Variants in NLGN4X observed in about 807,000 individuals in gnomAD.
NLGN4X encodes neuroligin 4 X-linked.
Under a neutral mutation model 40.3 loss-of-function variants are expected in NLGN4X, and 3 were observed. The observed-to-expected ratio is 0.07, with a 90% CI of 0.03 to 0.19. The LOEUF (loss-of-function observed/expected upper bound fraction) is 0.19, where lower values mean the gene tolerates loss of function less well. Ranked by LOEUF, NLGN4X falls within the 10% of genes least tolerant of loss-of-function variation. NLGN4X has a pLI of 1.00. For synonymous variants in NLGN4X, 270 were observed against 306.8 expected (o/e 0.88, Z 1.25); for missense variants, 382 against 708.3 (o/e 0.54, Z 5.23).
chrX:6,123,696 A>G (rs1010180263), intron 2 of NLGN4X, among the ~76,000 whole-genome samples: 2 of 103,106 alleles, frequency 1.9e-5, no homozygotes, highest in African/African-American at 7.8e-5. Flanking sequence ...CTTCATTAAA[A>G]TATAAGTGCA....
chrX:5,979,747 C>T (rs868180889), intron 3 of NLGN4X, among the ~76,000 whole-genome samples: 3 of 91,561 alleles, frequency 3.3e-5, no homozygotes, highest in South Asian at 4.4e-4. Flanking sequence ...TACACACATA[C>T]ATATATATGT....
chrX:6,152,968 C>T (rs929014905), intron 1 of NLGN4X, among the ~76,000 whole-genome samples: 3 of 112,327 alleles, frequency 2.7e-5, no homozygotes, highest in African/African-American at 9.7e-5. Context: ...CTACATAAGT[C>T]GCTGCTCCTG....
At chrX:5,912,550 CT>C (rs199544600) in intron 3 of NLGN4X, among the ~76,000 whole-genome samples, 1,541 of 110,839 alleles carry the variant, frequency 0.014, 21 homozygotes, top group African/African-American at 0.048. Flanking sequence ...AAAGATGAAT[CT>C]GTTGGGAGGT....
intron 2 of NLGN4X, among the ~76,000 whole-genome samples, chrX:6,033,471 C>T (rs2036924330): frequency 8.9e-6 from 1 of 111,896 alleles, no homozygotes; most frequent in African/African-American, 3.2e-5. Flanking sequence ...ACATTATAGA[C>T]CATGTCCTAT....
At chrX:6,147,683 T>TACAC (rs61550469) in intron 2 of NLGN4X, among the ~76,000 whole-genome samples, 18 of 107,039 alleles carry the variant, frequency 1.7e-4, no homozygotes, top group South Asian at 4.1e-4. Context: ...CTCTGTCACA[T>TACAC]ACACACACAC....
chrX:5,944,650 CAAAA>C (rs750871231), intron 3 of NLGN4X, among the ~76,000 whole-genome samples: 1 of 25,576 alleles, frequency 3.9e-5, no homozygotes, highest in African/African-American at 1.4e-4. Context: ...GACTCTGTCT[CAAAA>C]AAAAAAAAAA....
intron 2 of NLGN4X, among the ~76,000 whole-genome samples, chrX:6,030,510 T>C (rs892554299): frequency 9.1e-6 from 1 of 109,748 alleles, no homozygotes; most frequent in Admixed American, 9.8e-5. Context: ...AGTTTTTTTT[T>C]CCTCATAATC....
chrX:5,969,917 A>T (rs2034967872), intron 3 of NLGN4X, among the ~76,000 whole-genome samples: 2 of 107,159 alleles, frequency 1.9e-5, no homozygotes, highest in Non-Finnish European at 3.8e-5. Flanking sequence ...GCAAACTATC[A>T]CAAGGAAAAA....
chrX:6,201,745 G>C (rs765345765), intron 1 of NLGN4X, among the ~76,000 whole-genome samples: 5 of 111,348 alleles, frequency 4.5e-5, no homozygotes, highest in South Asian at 3.9e-4. Context: ...TGGCAAGAAA[G>C]ATGATGGGAC....
chrX:5,939,449 C>A (rs2033845906), intron 3 of NLGN4X, among the ~76,000 whole-genome samples: 1 of 111,042 alleles, frequency 9.0e-6, no homozygotes, highest in African/African-American at 3.3e-5. Context: ...TGCTAATGTG[C>A]ACTCTTAGCT....
Position 6,019,476 on chromosome X carries a change from C to A in NLGN4X, c.625+9804G>T, listed in dbSNP as rs774061778. 2.7e-4 allele frequency among the ~76,000 whole-genome samples: 30 copies of A among 111,434 alleles called. No individual in the cohort carries two copies. In the South Asian group the frequency reaches 9.7e-3, roughly 36 times the overall value. On this transcript the variant is annotated intron_variant, in intron 3 of 5. Transcript: ENST00000381095. ...GTCTTTAAACATCCCGCTCAGATTG[C>A]CTTTTAGAGATTTTTCCATTATCCT...
intron 2 of NLGN4X, among the ~76,000 whole-genome samples, chrX:6,121,669 G>A (rs960784417): frequency 2.7e-5 from 3 of 112,278 alleles, no homozygotes; most frequent in Non-Finnish European, 5.6e-5. Flanking sequence ...AATTTTCCAT[G>A]CCATCTTTTG....
At chrX:6,051,007 T>C (rs189394519) in intron 2 of NLGN4X, among the ~76,000 whole-genome samples, 152 of 111,563 alleles carry the variant, frequency 1.4e-3, no homozygotes, top group Non-Finnish European at 2.3e-3. Flanking sequence ...GACCAGAGGA[T>C]TGGGCAGTGT....
intron 2 of NLGN4X, among the ~76,000 whole-genome samples, chrX:6,139,385 C>T (rs1005987275): frequency 9.0e-6 from 1 of 111,620 alleles, no homozygotes; most frequent in African/African-American, 3.3e-5. Flanking sequence ...TAAAAAATAC[C>T]CAAGTGAGTA....
At chrX:6,146,185 A>T (rs1410594441) in intron 2 of NLGN4X, among the ~76,000 whole-genome samples, 2 of 111,880 alleles carry the variant, frequency 1.8e-5, no homozygotes, top group African/African-American at 6.5e-5. Context: ...GCTAAAGCAC[A>T]GCTTCTGTTA....
intron 3 of NLGN4X, among the ~76,000 whole-genome samples, chrX:5,979,486 C>G (rs149869502): frequency 6.4e-4 from 71 of 110,695 alleles, no homozygotes; most frequent in African/African-American, 2.3e-3. Context: ...GACTCTAGCT[C>G]CTCCAAATCC....
At chrX:6,134,911 T>C (rs2039778506) in intron 2 of NLGN4X, among the ~76,000 whole-genome samples, 2 of 112,686 alleles carry the variant, frequency 1.8e-5, no homozygotes, top group African/African-American at 3.2e-5. Context: ...TGTCAGCCAT[T>C]TGCCTAATGT....
At chrX:6,035,770 T>C (rs1285362949) in intron 2 of NLGN4X, among the ~76,000 whole-genome samples, 1 of 111,829 alleles carries the variant, frequency 8.9e-6, no homozygotes, top group African/African-American at 3.3e-5. Flanking sequence ...CCTCAGCCTA[T>C]TCAACCTGAA....
In NLGN4X at chrX:6,032,201, AAG is replaced by A. The variant is rs1273291494; in HGVS notation, c.473-2771_473-2770del. On this transcript the variant is annotated intron_variant, in intron 2 of 5. Transcript: ENST00000381095. ...CTATGTTGGAATCAATATGTTTGTGAAGAAAAAAAAAACTGATATTTCAGCCC... is the reference window on the plus strand; with the variant it reads ...CTATGTTGGAATCAATATGTTTGTGAAAAAAAAAAACTGATATTTCAGCCC... Among the ~76,000 whole-genome samples the A allele has an allele frequency of 2.0e-3, 183 of 89,682 alleles. 1 individual carries two copies. The highest frequency in any genetic ancestry group is 7.0e-3 in the African/African-American group (173 of 24,617). 77.9% of individuals were successfully genotyped at this position (89,682 alleles called of 115,157 possible). A position where few individuals can be genotyped will look rare whatever the true frequency, so the allele number is the denominator to read the frequency against.
Sources: allele counts gnomAD v4.1 joint callset (sites outside exome capture counted in the v4.1 genomes callset), GRCh38; gene constraint gnomAD v4.1.1; transcripts MANE v1.5; gene names NCBI Gene and HGNC (gene_info 2026-07-23, HGNC 2026-07-21).